GOLM1: variants seen among roughly 807,000 people sequenced by gnomAD.
GOLM1 encodes the protein golgi membrane protein 1, also known as epididymis luminal protein 46.
GOLM1 carries 31 observed loss-of-function variants against 50.5 expected under a neutral mutation model. The observed-to-expected ratio is 0.61, with a 90% CI of 0.46 to 0.83. The LOEUF is 0.83. Among genes scored for constraint, GOLM1 ranks in the 40% least tolerant of loss-of-function variants. GOLM1 has a pLI of 0.00. For synonymous variants in GOLM1, 178 were observed against 192.8 expected (o/e 0.92, Z 0.64); for missense variants, 491 against 501.3 (o/e 0.98, Z 0.20).
intron 1 of GOLM1, among the ~76,000 whole-genome samples, chr9:86,082,553 A>AC (rs1834817711): frequency 1.3e-5 from 2 of 148,768 alleles, no homozygotes; most frequent in African/African-American, 2.5e-5. Context: ...TGATCCTCCC[A>AC]CTTCAGCTTC....
chr9:86,080,648 T>TGG (rs1386006501), intron 1 of GOLM1, among the ~76,000 whole-genome samples: 2 of 152,148 alleles, frequency 1.3e-5, no homozygotes, highest in African/African-American at 2.4e-5. Flanking sequence ...GCTACTAGTA[T>TGG]GGGGGCCTGC....
At chr9:86,081,506 T>G (rs772870216) in intron 1 of GOLM1, among the ~76,000 whole-genome samples, 4 of 152,108 alleles carry the variant, frequency 2.6e-5, no homozygotes, top group Non-Finnish European at 4.4e-5. Flanking sequence ...AACCTTGTTT[T>G]TAAAATATAA....
rs944943226 is a variant in GOLM1, at chr9:86,027,525, C to G, written c.*292G>C. The G allele has an allele frequency of 8.4e-7, 1 of 1,193,068 alleles. No individual in the cohort carries two copies. Among genetic ancestry groups the G allele is most frequent in the African/African-American group, 1.6e-5 (1 of 62,516 alleles). 73.9% of individuals were successfully genotyped at this position (1,193,068 alleles called of 1,614,324 possible). ...TTCCAGAATCAGGAAGCCCCGCTGT[C>G]GCCAACACTTGAAGGAGAACTATGT... On this transcript the variant is annotated 3_prime_UTR_variant, in exon 10 of 10. Coordinates refer to ENST00000388712, the MANE Select transcript of GOLM1 (RefSeq NM_016548.4).
At chr9:86,073,527 CA>C (rs540032328) in intron 3 of GOLM1, among the ~76,000 whole-genome samples, 91 of 152,284 alleles carry the variant, frequency 6.0e-4, no homozygotes, top group African/African-American at 2.1e-3. Flanking sequence ...GACTTACTTT[CA>C]GGGGGGTGCA....
Position 86,046,572 on chromosome 9 carries a change from T to C in GOLM1, c.365A>G (p.Asp122Gly). ...ATTCCTCTGCAGGGTCTTTAACTGG[T>C]CTACACCAAGGGGACAAGGAATTGC... ...TGERLIRVLQ[D>G]QLKTLQRNYG... The change falls in exon 5 of 10, where the codon GAC (aspartate) becomes GGC (glycine). Residue 122 changes from aspartate to glycine, a missense_variant and splice_region_variant. By Grantham distance (94) the Asp-to-Gly change is moderately conservative. Transcript: ENST00000388712. 2.5e-6 allele frequency: 4 copies of C among 1,596,870 alleles called. No individual in the cohort carries two copies.
At chr9:86,062,618 G>A (rs1367707676) in intron 3 of GOLM1, among the ~76,000 whole-genome samples, 2 of 150,880 alleles carry the variant, frequency 1.3e-5, no homozygotes, top group Admixed American at 1.3e-4. Flanking sequence ...GGCAAGAGGA[G>A]GATGGAGGGA....
intron 3 of GOLM1, among the ~76,000 whole-genome samples, chr9:86,053,789 CGCT>C (rs1833902179): frequency 7.9e-6 from 1 of 126,300 alleles, no homozygotes; most frequent in African/African-American, 2.9e-5. Context: ...CATCACATAC[CGCT>C]CCACACAACA....
Position 86,027,193 on chromosome 9 carries a change from T to TTGTA in GOLM1, c.*623_*624insTACA. The TTGTA allele has an allele frequency of 1.0e-6, 1 of 985,326 alleles. No homozygotes were observed. Among genetic ancestry groups the TTGTA allele is most frequent in the Non-Finnish European group, 1.2e-6 (1 of 829,814 alleles). 61.0% of individuals were successfully genotyped at this position (985,326 alleles called of 1,614,324 possible). A position where few individuals can be genotyped will look rare whatever the true frequency, so the allele number is the denominator to read the frequency against. On this transcript the variant is annotated 3_prime_UTR_variant, in exon 10 of 10. Transcript: ENST00000388712. ...TGTACATTAAAAATGACAAGGGTTA[T>TTGTA]TATACAAGTAGCCTTTTAAAAAATT... is the stretch of plus-strand genomic sequence containing the variant.
intron 1 of GOLM1, among the ~76,000 whole-genome samples, chr9:86,089,774 T>C (rs1403463199): frequency 6.6e-6 from 1 of 152,150 alleles, no homozygotes; most frequent in Non-Finnish European, 1.5e-5. Flanking sequence ...TCAAACTCAT[T>C]CTCTGTCCAG....
chr9:86,035,312 G>A, intron 8 of GOLM1, 56 bp downstream of exon 8: 1 of 1,587,380 alleles, frequency 6.3e-7, no homozygotes, highest in Non-Finnish European at 8.6e-7. Flanking sequence ...ACATGGAGGT[G>A]GGCTGGGTGT....
In GOLM1 at chr9:86,027,439, G is replaced by A. The variant is rs779953998; in HGVS notation, c.*378C>T. On this transcript the variant is annotated 3_prime_UTR_variant, in exon 10 of 10. Transcript: ENST00000388712. The stretch of plus-strand genomic sequence containing the variant: ...AGGACGACGGAACCCAGAGTTCTCT[G>A]TCTCTCCTTCACAGCAGATGGACTC... The A allele has an allele frequency of 9.8e-7, 1 of 1,022,904 alleles. No individual in the cohort carries two copies. The highest frequency in any genetic ancestry group is 5.6e-5 in the Admixed American group (1 of 17,758). 63.4% of individuals were successfully genotyped at this position (1,022,904 alleles called of 1,614,324 possible).
At chr9:86,077,634 G>A (rs768622843) in intron 2 of GOLM1, 43 bp from the exon 3 acceptor site, 5 of 1,475,440 alleles carry the variant, frequency 3.4e-6, no homozygotes, top group Non-Finnish European at 3.8e-6. Flanking sequence ...CAAGTTACCT[G>A]AGGAGCCTGG....
intron 1 of GOLM1, among the ~76,000 whole-genome samples, chr9:86,088,150 T>C (rs1835035851): frequency 1.3e-5 from 2 of 152,122 alleles, no homozygotes; most frequent in East Asian, 1.9e-4. Context: ...ATTTGACTTC[T>C]TCCTGGTTTA....
At chr9:86,031,339 G>A (rs759515725) in intron 9 of GOLM1, among the ~76,000 whole-genome samples, 10 of 151,648 alleles carry the variant, frequency 6.6e-5, no homozygotes, top group Non-Finnish European at 1.5e-4. Flanking sequence ...TATTTTAAAA[G>A]CAGTTACCCT....
chr9:86,095,916 G>A (rs1835343533), intron 1 of GOLM1, among the ~76,000 whole-genome samples: 1 of 152,182 alleles, frequency 6.6e-6, no homozygotes, highest in Non-Finnish European at 1.5e-5. Context: ...TGTGGCTTAG[G>A]AAAAGAGTAC....
At chr9:86,073,366 G>A (rs2118833076) in intron 3 of GOLM1, among the ~76,000 whole-genome samples, 1 of 152,254 alleles carries the variant, frequency 6.6e-6, no homozygotes, top group South Asian at 2.1e-4. Context: ...TAAGCTCGCA[G>A]GTGGTTATCA....
chr9:86,041,766 C>T (rs1833359660), intron 5 of GOLM1, among the ~76,000 whole-genome samples: 1 of 152,106 alleles, frequency 6.6e-6, no homozygotes, highest in African/African-American at 2.4e-5. Context: ...GAGGTGGGAG[C>T]AGTAGTATGG....
chr9:86,047,898 C>T (rs1833604553), intron 4 of GOLM1, among the ~76,000 whole-genome samples: 1 of 152,198 alleles, frequency 6.6e-6, no homozygotes, highest in African/African-American at 2.4e-5. Context: ...TTTAATTATA[C>T]TTTAAATTCT....
chr9:86,077,393 G>A lies in GOLM1; in HGVS notation c.309+19C>T, dbSNP rs1161497004. On this transcript the variant is annotated intron_variant, in intron 3 of 9. Coordinates refer to ENST00000388712, the MANE Select transcript of GOLM1 (RefSeq NM_016548.4). ...CCATCCCTTAGAAAAGAACTGAGAG[G>A]AAACAAAGCAGGCCTTGCCTTTTCG... 1 of 1,603,928 alleles carries A rather than the reference G, an allele frequency of 6.2e-7. No homozygotes were observed. The highest frequency in any genetic ancestry group is 1.7e-5 in the Admixed American group (1 of 60,006).
Sources: gnomAD v4.1 joint callset for allele counts (sites outside exome capture counted in the v4.1 genomes callset) on GRCh38, gnomAD v4.1.1 for gene constraint, MANE v1.5 for transcripts, NCBI Gene and HGNC (gene_info 2026-07-23, HGNC 2026-07-21) for gene names.